Variants in CAMK4 observed in about 807,000 individuals in gnomAD.
CAMK4 encodes the protein calcium/calmodulin dependent protein kinase IV.
A neutral mutation model predicts 44.9 loss-of-function variants in CAMK4; 22 were observed. The observed-to-expected ratio is 0.49, with a 90% CI of 0.35 to 0.70. The LOEUF is 0.70. Among genes scored for constraint, CAMK4 ranks in the 30% least tolerant of loss-of-function variants. The probability of loss-of-function intolerance (pLI) is 0.01; values close to 1 mark genes in which losing one functional copy is unlikely to be tolerated. For missense variants in CAMK4, 498 were observed against 586.8 expected (o/e 0.85, Z 1.56); for synonymous variants, 218 against 215.4 (o/e 1.01, Z -0.11).
At chr5:111,317,189 C>A (rs1320103564) in intron 1 of CAMK4, among the ~76,000 whole-genome samples, 1 of 152,026 alleles carries the variant, frequency 6.6e-6, no homozygotes, top group Non-Finnish European at 1.5e-5. Context: ...ACTTTCTTCC[C>A]AGAAATTATA....
rs1376722549 is a variant in CAMK4, at chr5:111,486,679, A to C, written c.*2213A>C. ...AGGGCAGTTGTTACATTATTTCAAC[A>C]CTAGAGTAGGGCGGACTGCATTGTT... On this transcript the variant is annotated 3_prime_UTR_variant, in exon 11 of 11. Transcript: ENST00000282356. 6.6e-6 allele frequency: 1 copy of C among 152,146 alleles called. No homozygotes were observed. 9.4% of individuals were successfully genotyped at this position (152,146 alleles called of 1,614,324 possible).
chr5:111,374,629 C>A (rs1367116271), intron 2 of CAMK4, among the ~76,000 whole-genome samples: 1 of 152,052 alleles, frequency 6.6e-6, no homozygotes, highest in Admixed American at 6.6e-5. Flanking sequence ...AGGAGTCTGA[C>A]AAGTTGTGAT....
chr5:111,276,700 G>A (rs1750773578), intron 1 of CAMK4, among the ~76,000 whole-genome samples: 1 of 152,082 alleles, frequency 6.6e-6, no homozygotes, highest in Non-Finnish European at 1.5e-5. Context: ...TGTTTGTATG[G>A]GTTTGGGGTG....
intron 7 of CAMK4, among the ~76,000 whole-genome samples, chr5:111,465,536 C>G (rs995748771): frequency 6.6e-6 from 1 of 152,090 alleles, no homozygotes; most frequent in Non-Finnish European, 1.5e-5. Context: ...ACAACCAATA[C>G]CACAGAAATG....
intron 5 of CAMK4, among the ~76,000 whole-genome samples, chr5:111,436,173 C>A (rs1199926748): frequency 6.6e-6 from 1 of 152,116 alleles, no homozygotes; most frequent in East Asian, 1.9e-4. Flanking sequence ...TGAATTGAAT[C>A]TAAGAAAAGT....
chr5:111,449,030 C>G (rs1292701901), intron 6 of CAMK4, 99 bp from the exon 7 acceptor site: 5 of 568,324 alleles, frequency 8.8e-6, no homozygotes, highest in Non-Finnish European at 1.3e-5. Flanking sequence ...CAAAAGAAAG[C>G]AAATAGATAA....
intron 1 of CAMK4, among the ~76,000 whole-genome samples, chr5:111,292,044 A>C (rs530584828): frequency 6.6e-6 from 1 of 152,190 alleles, no homozygotes; most frequent in Non-Finnish European, 1.5e-5. Context: ...TCCTGCACCA[A>C]AATCAGTGGT....
chr5:111,350,228 T>G (rs1434919500), intron 2 of CAMK4, among the ~76,000 whole-genome samples: 1 of 152,096 alleles, frequency 6.6e-6, no homozygotes, highest in Non-Finnish European at 1.5e-5. Flanking sequence ...ATAGGAAGCA[T>G]GTAATATACA....
intron 5 of CAMK4, among the ~76,000 whole-genome samples, chr5:111,442,671 A>G (rs1233715345): frequency 6.7e-6 from 1 of 149,710 alleles, no homozygotes; most frequent in Non-Finnish European, 1.5e-5. Context: ...AATGAAATTT[A>G]CAAAACTGAA....
chr5:111,330,185 G>T (rs1749103848), intron 1 of CAMK4, among the ~76,000 whole-genome samples: 1 of 148,740 alleles, frequency 6.7e-6, no homozygotes, highest in South Asian at 2.1e-4. Flanking sequence ...ACAAAAATAA[G>T]TTGTATTTAT....
At chr5:111,271,675 GA>G (rs1237112988) in intron 1 of CAMK4, among the ~76,000 whole-genome samples, 5 of 152,272 alleles carry the variant, frequency 3.3e-5, no homozygotes, top group Non-Finnish European at 7.4e-5. Flanking sequence ...TAAATTCATA[GA>G]AAAGTATAGA....
At chr5:111,479,090 G>C (rs749228283) in intron 9 of CAMK4, among the ~76,000 whole-genome samples, 6 of 152,226 alleles carry the variant, frequency 3.9e-5, no homozygotes, top group Non-Finnish European at 8.8e-5. Flanking sequence ...TGTTGCCCAG[G>C]CTGGTCTCAA....
chr5:111,361,825 TAC>T (rs1291358126), intron 2 of CAMK4, among the ~76,000 whole-genome samples: 2 of 152,074 alleles, frequency 1.3e-5, no homozygotes, highest in African/African-American at 4.8e-5. Context: ...TATATTAGGA[TAC>T]AGTTTAGGAT....
chr5:111,416,636 T>C lies in CAMK4; in HGVS notation c.459+21854T>C, dbSNP rs576856629. On this transcript the variant is annotated intron_variant, in intron 5 of 10. Coordinates refer to ENST00000282356, the MANE Select transcript of CAMK4 (RefSeq NM_001744.6). ...ACCTTGGGACCTCTCATTTATAAAG[T>C]AGAAATAATAAGGATGCTGTGAAAG... 2.6e-5 allele frequency: 4 copies of C among 152,296 alleles called. No homozygotes were observed. In the East Asian group the frequency reaches 7.7e-4, roughly 29 times the overall value. 9.4% of individuals were successfully genotyped at this position (152,296 alleles called of 1,614,324 possible).
chr5:111,368,450 G>C (rs752870918), intron 2 of CAMK4, among the ~76,000 whole-genome samples: 16 of 152,150 alleles, frequency 1.1e-4, no homozygotes, highest in Non-Finnish European at 1.5e-4. Context: ...TATTGGAAAG[G>C]TTGAAAGGAG....
chr5:111,267,253 C>G (rs1474153272), intron 1 of CAMK4, among the ~76,000 whole-genome samples: 1 of 152,152 alleles, frequency 6.6e-6, no homozygotes, highest in African/African-American at 2.4e-5. Flanking sequence ...ATTTCAAGAT[C>G]GTAATTTGGG....
chr5:111,432,319 G>A (rs1365668505), intron 5 of CAMK4, among the ~76,000 whole-genome samples: 1 of 152,020 alleles, frequency 6.6e-6, no homozygotes, highest in Non-Finnish European at 1.5e-5. Context: ...TTGAACTCAT[G>A]GACATAGAGA....
intron 7 of CAMK4, among the ~76,000 whole-genome samples, chr5:111,465,748 G>C (rs561066052): frequency 1.3e-5 from 2 of 152,280 alleles, no homozygotes; most frequent in East Asian, 3.9e-4. Flanking sequence ...AGACCAGATG[G>C]ATTCACAGCT....
intron 2 of CAMK4, among the ~76,000 whole-genome samples, chr5:111,347,635 GTC>G (rs1387997957): frequency 6.6e-6 from 1 of 151,848 alleles, no homozygotes; most frequent in Non-Finnish European, 1.5e-5. Context: ...CTCCCTGTGT[GTC>G]TTTATATCAT....
Sources: allele counts gnomAD v4.1 joint callset (sites outside exome capture counted in the v4.1 genomes callset), GRCh38; gene constraint gnomAD v4.1.1; transcripts MANE v1.5; gene names NCBI Gene and HGNC (gene_info 2026-07-23, HGNC 2026-07-21).